Variants in NBEA observed in about 807,000 individuals in gnomAD.
The protein encoded by NBEA is lysosomal-trafficking regulator 2.
NBEA carries 44 observed loss-of-function variants against 343.4 expected under a neutral mutation model. That is an observed-to-expected ratio of 0.13 (90% CI 0.10 to 0.16). NBEA has a LOEUF of 0.16. NBEA is among the 10% of genes least tolerant of loss of function. The pLI is 1.00. For synonymous variants in NBEA, 1,175 were observed against 1,238.7 expected, an observed-to-expected ratio of 0.95 and a Z score of 1.08; for missense variants, 2,555 against 3,631.3, an observed-to-expected ratio of 0.70 and a Z score of 7.62.
chr13:34,952,715 A>C (rs2059385246), intron 1 of NBEA, among the ~76,000 whole-genome samples: 1 of 152,188 alleles, frequency 6.6e-6, no homozygotes, highest in Admixed American at 6.5e-5. Flanking sequence ...GGTTAATAGC[A>C]AATTTTATGG....
intron 10 of NBEA, among the ~76,000 whole-genome samples, chr13:35,073,473 T>G (rs2063965548): frequency 6.6e-6 from 1 of 152,162 alleles, no homozygotes; most frequent in African/African-American, 2.4e-5. Context: ...AAGTTACTTC[T>G]TTGCCCTCTG....
In NBEA at chr13:35,045,326, A is replaced by G; in HGVS notation, c.648A>G (p.Leu216=). 1.2e-6 allele frequency: 2 copies of G among 1,609,888 alleles called. No homozygotes were observed. Among genetic ancestry groups the G allele is most frequent in the Non-Finnish European group, 1.7e-6 (2 of 1,178,446 alleles). The change falls in exon 4 of 59, where the codon TTA becomes TTG. Residue 216 remains leucine (L), a synonymous_variant. Coordinates refer to ENST00000379939, the MANE Select transcript of NBEA (RefSeq NM_001385012.1). ...SGIWPRHAVK[L]LSVLNQMPQR... Reference sequence around the variant, plus strand: ...CCCAGCCAAGACATGCAGTAAAATTATTATCAGTTCTTAATCAGATGCCAC... The same window carrying G: ...CCCAGCCAAGACATGCAGTAAAATTGTTATCAGTTCTTAATCAGATGCCAC...
intron 48 of NBEA, among the ~76,000 whole-genome samples, chr13:35,623,460 G>C (rs1325920396): frequency 6.6e-6 from 1 of 152,050 alleles, no homozygotes; most frequent in Non-Finnish European, 1.5e-5. Context: ...TTTCTGCACA[G>C]TAAGTGGCAA....
chr13:35,260,236 T>C (rs560981926), intron 34 of NBEA, among the ~76,000 whole-genome samples: 321 of 152,280 alleles, frequency 2.1e-3, no homozygotes, highest in Non-Finnish European at 3.6e-3. Context: ...ACACAGGATA[T>C]TGACAGGAAC....
At chr13:35,229,937 A>G (rs745350837) in intron 33 of NBEA, among the ~76,000 whole-genome samples, 10 of 152,108 alleles carry the variant, frequency 6.6e-5, no homozygotes, top group Admixed American at 1.3e-4. Flanking sequence ...TCCATTTAGA[A>G]TATTTTGCTG....
intron 36 of NBEA, among the ~76,000 whole-genome samples, chr13:35,322,744 A>G (rs966031317): frequency 1.2e-4 from 18 of 152,260 alleles, no homozygotes; most frequent in African/African-American, 3.9e-4. Flanking sequence ...GACATTGATG[A>G]TAAATAAAAT....
At chr13:35,574,723 A>C (rs1023311918) in intron 45 of NBEA, among the ~76,000 whole-genome samples, 1 of 151,884 alleles carries the variant, frequency 6.6e-6, no homozygotes, top group South Asian at 2.1e-4. Context: ...CTGTCTCTAC[A>C]AAAAATTAAA....
chr13:35,220,288 A>G (rs902915287), intron 33 of NBEA, among the ~76,000 whole-genome samples: 8 of 152,142 alleles, frequency 5.3e-5, no homozygotes, highest in African/African-American at 1.7e-4. Context: ...TAGCCAAATG[A>G]CTATCATTTT....
At chr13:35,647,394 AT>A (rs1222859687) in intron 51 of NBEA, among the ~76,000 whole-genome samples, 1 of 152,134 alleles carries the variant, frequency 6.6e-6, no homozygotes, top group Non-Finnish European at 1.5e-5. Context: ...ATAAGGTGTT[AT>A]TTTGTGATGG....
intron 1 of NBEA, among the ~76,000 whole-genome samples, chr13:34,950,559 A>T (rs551425371): frequency 1.3e-5 from 2 of 151,088 alleles, no homozygotes; most frequent in South Asian, 4.1e-4. Context: ...AGAATATTCT[A>T]ATTTTCTAAA....
chr13:35,383,146 T>C (rs1232631248), intron 38 of NBEA, among the ~76,000 whole-genome samples: 1 of 152,080 alleles, frequency 6.6e-6, no homozygotes, highest in Non-Finnish European at 1.5e-5. Flanking sequence ...AATTTAGACA[T>C]AGGCTTTAGT....
At chr13:35,528,804 ATCT>A (rs2078109822) in intron 41 of NBEA, among the ~76,000 whole-genome samples, 1 of 152,190 alleles carries the variant, frequency 6.6e-6, no homozygotes, top group Admixed American at 6.5e-5. Context: ...ACTAAGTCAT[ATCT>A]TCTTATGTTC....
chr13:35,063,774 A>G (rs1468906808), intron 8 of NBEA, among the ~76,000 whole-genome samples: 1 of 151,920 alleles, frequency 6.6e-6, no homozygotes, highest in East Asian at 1.9e-4. Context: ...AAGTATTGAG[A>G]CTCGATTAGA....
chr13:35,167,828 G>C (rs1043045493), intron 24 of NBEA, among the ~76,000 whole-genome samples: 5 of 151,762 alleles, frequency 3.3e-5, no homozygotes, highest in African/African-American at 1.2e-4. Flanking sequence ...GAAAAGCAAA[G>C]AACATGGATC....
chr13:35,495,606 A>G (rs2076648303), intron 41 of NBEA, among the ~76,000 whole-genome samples: 1 of 151,966 alleles, frequency 6.6e-6, no homozygotes, highest in Admixed American at 6.6e-5. Context: ...AAGTCAAACC[A>G]TCATAAGTCA....
At chr13:35,656,352 C>T (rs1349806329) in intron 55 of NBEA, among the ~76,000 whole-genome samples, 1 of 152,214 alleles carries the variant, frequency 6.6e-6, no homozygotes, top group African/African-American at 2.4e-5. Flanking sequence ...AGAGGCTGGA[C>T]TCCTTCGTGA....
chr13:35,051,828 T>C (rs1014546578), intron 6 of NBEA, among the ~76,000 whole-genome samples: 12 of 152,062 alleles, frequency 7.9e-5, no homozygotes, highest in African/African-American at 2.7e-4. Context: ...TGTGTGTTTT[T>C]AACAAATATT....
intron 1 of NBEA, among the ~76,000 whole-genome samples, chr13:34,954,591 A>C (rs1322597342): frequency 6.6e-6 from 1 of 152,132 alleles, no homozygotes; most frequent in Non-Finnish European, 1.5e-5. Flanking sequence ...GTGTACCTAC[A>C]TGTATGCAGT....
At chr13:35,585,263 T>A (rs1296776112) in intron 46 of NBEA, among the ~76,000 whole-genome samples, 1 of 151,982 alleles carries the variant, frequency 6.6e-6, no homozygotes, top group African/African-American at 2.4e-5. Flanking sequence ...TTGCCTCTAC[T>A]TTATCACCTC....
Sources: allele counts gnomAD v4.1 joint callset (sites outside exome capture counted in the v4.1 genomes callset), GRCh38; gene constraint gnomAD v4.1.1; transcripts MANE v1.5; gene names NCBI Gene and HGNC (gene_info 2026-07-23, HGNC 2026-07-21).